The following CACNA1C variants were observed in gnomAD, a reference collection of about 807,000 sequenced individuals.
CACNA1C encodes voltage-dependent L-type calcium channel subunit alpha-1C.
Under a neutral mutation model 229.0 loss-of-function variants are expected in CACNA1C, and 30 were observed. That is an observed-to-expected ratio of 0.13 (90% confidence interval 0.10 to 0.18). The LOEUF (loss-of-function observed/expected upper bound fraction) is 0.18, where lower values mean the gene tolerates loss of function less well. Among genes scored for constraint, CACNA1C ranks in the 10% least tolerant of loss-of-function variants. The pLI, the probability that CACNA1C is intolerant of heterozygous loss-of-function variation, is 1.00. For missense variants in CACNA1C, 1,658 were observed against 2,845.0 expected (o/e 0.58, Z 9.49); for synonymous variants, 1,114 against 1,132.5 (o/e 0.98, Z 0.33).
chr12:2,166,427 A>G lies in CACNA1C; in HGVS notation c.477+45997A>G, dbSNP rs2096236333. Among the ~76,000 whole-genome samples the G allele has an allele frequency of 1.3e-5, 2 of 152,328 alleles. 1 individual carries two copies. ...GCCTTGGGCGTTTATTAGGACTTTC[A>G]TGGTGGATAGACACACTGTCCCCAT... On this transcript the variant is annotated intron_variant, in intron 3 of 46. Coordinates refer to ENST00000399655, the MANE Select transcript of CACNA1C (RefSeq NM_000719.7).
intron 29 of CACNA1C, among the ~76,000 whole-genome samples, chr12:2,629,622 G>A (rs1008295438): frequency 7.2e-5 from 11 of 152,198 alleles, no homozygotes; most frequent in African/African-American, 2.7e-4. Flanking sequence ...TACCCAGCTA[G>A]TCAGTGGCAG....
At chr12:2,668,749 T>G in intron 37 of CACNA1C, 184 bp from the exon 38 acceptor site, 1 of 594,774 alleles carries the variant, frequency 1.7e-6, no homozygotes, top group Non-Finnish European at 3.0e-6. Context: ...AAACCATTTA[T>G]GAGAAATCCA....
chr12:2,517,424 A>G (rs971206769), intron 9 of CACNA1C, among the ~76,000 whole-genome samples: 24 of 152,248 alleles, frequency 1.6e-4, no homozygotes, highest in African/African-American at 5.8e-4. Flanking sequence ...AGCAATGCCA[A>G]TACTAGCCAC....
At chr12:2,217,542 C>CT (rs1331227177) in intron 3 of CACNA1C, 1 of 152,180 alleles carries the variant, frequency 6.6e-6, no homozygotes, top group Non-Finnish European at 1.5e-5. Flanking sequence ...CACTTGATAT[C>CT]TAGATGTATT....
At chr12:2,583,243 G>T (rs1348172440) in intron 15 of CACNA1C, among the ~76,000 whole-genome samples, 2 of 152,246 alleles carry the variant, frequency 1.3e-5, no homozygotes, top group South Asian at 2.1e-4. Flanking sequence ...CACCGCCTGC[G>T]ATAGGGACGC....
At chr12:2,172,689 G>A (rs1598058649) in intron 3 of CACNA1C, among the ~76,000 whole-genome samples, 1 of 152,184 alleles carries the variant, frequency 6.6e-6, no homozygotes, top group Non-Finnish European at 1.5e-5. Context: ...CTGGCAATAA[G>A]CCAGAATAGT....
At chr12:2,290,358 G>A (rs975881017) in intron 3 of CACNA1C, among the ~76,000 whole-genome samples, 2 of 152,212 alleles carry the variant, frequency 1.3e-5, no homozygotes, top group Non-Finnish European at 2.9e-5. Context: ...CTGGGCAGGG[G>A]CGTGTTTTCA....
chr12:1,988,438 G>A (rs775998872), intron 1 of CACNA1C, among the ~76,000 whole-genome samples: 1 of 152,178 alleles, frequency 6.6e-6, no homozygotes, highest in Non-Finnish European at 1.5e-5. Flanking sequence ...ACAACAAGGT[G>A]AGTACATATT....
intron 1 of CACNA1C, among the ~76,000 whole-genome samples, chr12:2,090,023 C>T (rs56077854): frequency 0.066 from 9,969 of 151,942 alleles, 582 homozygotes; most frequent in African/African-American, 0.16. Flanking sequence ...TGTGAGACTC[C>T]GTCTCAAAGG....
chr12:1,984,374 A>G (rs1167139471), intron 1 of CACNA1C, among the ~76,000 whole-genome samples: 1 of 151,750 alleles, frequency 6.6e-6, no homozygotes, highest in Non-Finnish European at 1.5e-5. Flanking sequence ...TCTCTTGGTG[A>G]TATCTCTATA....
At chr12:2,110,817 G>A (rs948125273) in intron 1 of CACNA1C, among the ~76,000 whole-genome samples, 2 of 152,250 alleles carry the variant, frequency 1.3e-5, no homozygotes, top group African/African-American at 4.8e-5. Flanking sequence ...GTATTAGACA[G>A]TGTTGCTACA....
chr12:2,046,567 C>T (rs932570805), intron 1 of CACNA1C, among the ~76,000 whole-genome samples: 5 of 152,106 alleles, frequency 3.3e-5, no homozygotes, highest in African/African-American at 1.2e-4. Context: ...GAGAGCCAGT[C>T]CCCAGGATCA....
intron 1 of CACNA1C, among the ~76,000 whole-genome samples, chr12:2,089,804 G>A (rs941404216): frequency 6.6e-6 from 1 of 152,110 alleles, no homozygotes; most frequent in South Asian, 2.1e-4. Context: ...GGAGGCTGAG[G>A]TGGGCGGATC....
intron 3 of CACNA1C, among the ~76,000 whole-genome samples, chr12:2,391,666 G>A (rs1189466567): frequency 2.0e-5 from 3 of 152,192 alleles, no homozygotes; most frequent in African/African-American, 7.2e-5. Flanking sequence ...AAGACAAGGT[G>A]TGAAGATGGA....
chr12:2,650,807 G>C (rs566388255), intron 31 of CACNA1C, among the ~76,000 whole-genome samples: 1 of 152,112 alleles, frequency 6.6e-6, no homozygotes, highest in Non-Finnish European at 1.5e-5. Context: ...CCCTTCCCCA[G>C]GGCCCCTGAG....
intron 18 of CACNA1C, among the ~76,000 whole-genome samples, chr12:2,586,397 A>C (rs2062478177): frequency 6.6e-6 from 1 of 151,648 alleles, no homozygotes; most frequent in Admixed American, 6.6e-5. Context: ...GCGCTTACTG[A>C]CTCCATCTTT....
At chr12:2,049,235 T>C (rs1307989665), upstream of CACNA1C, 1 of 152,256 alleles carries the variant, frequency 6.6e-6, no homozygotes, top group Admixed American at 6.5e-5. Flanking sequence ...CAACATCAAC[T>C]GGCTGTGAAA....
At position 1,971,784 on chromosome 12, in the gene CACNA1C, C is replaced by T. The variant is rs933261388; in HGVS notation, c.139+583C>T. 1.3e-5 allele frequency among the ~76,000 whole-genome samples: 2 copies of T among 152,168 alleles called. No homozygotes were observed. Among genetic ancestry groups the T allele is most frequent in the Admixed American group, 6.5e-5 (1 of 15,268 alleles). ...CATGTTCTTTGGGGATTTGCCTTAT[C>T]TCATTTATGTTCCTAATAAATATTT... On this transcript the variant is annotated intron_variant, in intron 1 of 46. Transcript: ENST00000682462. The surrounding 1 kb of genome is among the most constrained non-coding windows in gnomAD (Gnocchi z 4.2).
intron 3 of CACNA1C, among the ~76,000 whole-genome samples, chr12:2,409,257 G>A (rs569041970): frequency 5.4e-4 from 82 of 152,320 alleles, no homozygotes; most frequent in Middle Eastern, 3.4e-3. Flanking sequence ...TTTGGGTTCC[G>A]ACCTAGTTTT....
Sources: allele counts gnomAD v4.1 joint callset (sites outside exome capture counted in the v4.1 genomes callset), GRCh38; gene constraint gnomAD v4.1.1; non-coding constraint Gnocchi (gnomAD v3.1); transcripts MANE v1.5; gene names NCBI Gene and HGNC (gene_info 2026-07-23, HGNC 2026-07-21).